ENTR1: variants seen among roughly 807,000 people sequenced by gnomAD.
The protein encoded by ENTR1 is endosome associated trafficking regulator 1.
ENTR1 carries 47 observed loss-of-function variants against 47.9 expected under a neutral mutation model. The observed-to-expected ratio is 0.98, with a 90% confidence interval of 0.78 to 1.25. ENTR1 has a LOEUF of 1.25. Among genes scored for constraint, ENTR1 ranks in the 50% most tolerant of loss-of-function variants. The pLI, the probability that ENTR1 is intolerant of heterozygous loss-of-function variation, is 0.00. For missense variants in ENTR1, 668 were observed against 570.5 expected (o/e 1.17, Z -1.74); for synonymous variants, 290 against 245.8 (o/e 1.18, Z -1.68).
rs1265541437 is a variant in ENTR1, at chr9:136,410,576, G to A, written c.-179C>T. 10 of 1,187,586 alleles carry A rather than the reference G, an allele frequency of 8.4e-6. No individual in the cohort carries two copies. The highest frequency in any genetic ancestry group is 4.2e-5 in the Admixed American group (1 of 23,784). The allele number at this position is 1,187,586 out of a possible 1,614,324, so 73.6% of individuals were successfully genotyped here. Reference sequence around the variant, plus strand: ...GCTGCTTCCGCTCCGAGCACCGAAAGCGCGTGCCTGAACGCCTTGGGCCGT... The same window carrying A: ...GCTGCTTCCGCTCCGAGCACCGAAAACGCGTGCCTGAACGCCTTGGGCCGT... On this transcript the variant is annotated 5_prime_UTR_variant, in exon 1 of 10. Coordinates refer to ENST00000357365, the MANE Select transcript of ENTR1 (RefSeq NM_001039707.2).
Position 136,410,257 on chromosome 9 carries a change from A to G in ENTR1, c.71-18T>C, listed in dbSNP as rs1306206237. 6.4e-7 allele frequency: 1 copy of G among 1,562,000 alleles called. No homozygotes were observed. ...CGCTGGAGCTGGAAGCAACGACAAC[A>G]GCGACTTTACTGCGTGCCGGGGCGG... On this transcript the variant is annotated intron_variant, in intron 1 of 9. Coordinates refer to ENST00000357365, the MANE Select transcript of ENTR1 (RefSeq NM_001039707.2).
At chr9:136,408,014 T>G (rs1834866623) in intron 3 of ENTR1, 76 bp from the exon 4 acceptor site, 1 of 931,112 alleles carries the variant, frequency 1.1e-6, no homozygotes, top group Non-Finnish European at 1.7e-6. Context: ...TCACCTGTCT[T>G]TCCAGAGCAT....
In ENTR1 at chr9:136,402,781, G is replaced by A. The variant is rs1274740513; in HGVS notation, c.*7C>T. The A allele has an allele frequency of 1.2e-6, 2 of 1,602,376 alleles. No homozygotes were observed. Among genetic ancestry groups the A allele is most frequent in the African/African-American group, 1.3e-5 (1 of 74,806 alleles). ...CGGAGCTTCATGCTGAGAACACCCAGGGGTCCTCAAGAGTCTTCCTCCTCG... is the reference window on the plus strand; with the variant it reads ...CGGAGCTTCATGCTGAGAACACCCAAGGGTCCTCAAGAGTCTTCCTCCTCG... On this transcript the variant is annotated 3_prime_UTR_variant, in exon 10 of 10. Transcript: ENST00000357365.
Position 136,402,838 on chromosome 9 carries a change from T to G in ENTR1, c.1258A>C (p.Lys420Gln). ...ETLNLVAEIL[K>Q]SIDRISEVKD... ...ACTTCAGAAATTCTGTCTATAGATT[T>G]AAGGATTTCGGCAACAAGATTCAGT... The change falls in exon 10 of 10, where the codon AAA becomes CAA. Residue 420 changes from lysine (K) to glutamine (Q), a missense_variant. Lys to Gln is a moderately conservative substitution (Grantham distance 53). Transcript: ENST00000357365. 1.2e-6 allele frequency: 2 copies of G among 1,612,972 alleles called. No homozygotes were observed. Among genetic ancestry groups the G allele is most frequent in the Non-Finnish European group, 1.7e-6 (2 of 1,179,836 alleles).
In ENTR1 at chr9:136,410,359, C is replaced by A. The variant is rs1410376620; in HGVS notation, c.39G>T (p.Leu13=). The change falls in exon 1 of 10, where the codon CTG becomes CTT. Residue 13 remains leucine (L), a synonymous_variant. Transcript: ENST00000357365. ...GYQRRPGATP[L]SRARSLAIPD... ...GAATGGCGAGGCTCCGGGCTCGGGACAGCGGGGTGGCGCCCGGGCGGCGCT... is the reference window on the plus strand; with the variant it reads ...GAATGGCGAGGCTCCGGGCTCGGGAAAGCGGGGTGGCGCCCGGGCGGCGCT... 5.3e-6 allele frequency: 8 copies of A among 1,499,280 alleles called. No homozygotes were observed. The highest frequency in any genetic ancestry group is 7.1e-6 in the Non-Finnish European group (8 of 1,129,128). The allele number at this position is 1,499,280 out of a possible 1,614,324, so 92.9% of individuals were successfully genotyped here.
chr9:136,404,919 G>A (rs1033814513), intron 7 of ENTR1, 172 bp downstream of exon 7: 1 of 675,906 alleles, frequency 1.5e-6, no homozygotes, highest in Non-Finnish European at 2.5e-6. Context: ...TGCCCTCGTG[G>A]GCCAGCTATC....
Position 136,407,200 on chromosome 9 carries a change from T to C in ENTR1, c.764A>G (p.His255Arg), listed in dbSNP as rs750878582. Residue 255 changes from histidine (H) to arginine (R), a missense_variant, in exon 5 of 10, where the codon CAT becomes CGT. Physicochemically the swap from His to Arg is conservative, Grantham distance 29. Transcript: ENST00000357365. Reference protein sequence around the residue: ...AGSPSADFAVHGESLGDRHLR... With the variant: ...AGSPSADFAVRGESLGDRHLR... ...GTGCCTGTCTCCCAGAGACTCTCCA[T>C]GAACCGCAAAGTCTGCGCTAGGACT... is the stretch of plus-strand genomic sequence containing the variant. The C allele has an allele frequency of 1.6e-5, 26 of 1,612,494 alleles. No homozygotes were observed. The African/African-American group carries it at 3.3e-4, about 21-fold the overall frequency.
chr9:136,403,477 G>C (rs1267901482), intron 9 of ENTR1, among the ~76,000 whole-genome samples: 1 of 145,718 alleles, frequency 6.9e-6, no homozygotes, highest in African/African-American at 2.6e-5. Context: ...GGAAGAAAGG[G>C]ACAGGGTTCC....
rs1320447011 is a variant in ENTR1 at position 136,410,073 on chromosome 9, G to GCGCCCT, written c.220+11_220+16dup. ...GGAACTGGAAGCGTCCCCGGGGCCG[G>GCGCCCT]CGCCCTCGTCTCTCACCTGTGTCTC... On this transcript the variant is annotated intron_variant, in intron 2 of 9. Transcript: ENST00000357365. 6.2e-7 allele frequency: 1 copy of GCGCCCT among 1,612,352 alleles called. No homozygotes were observed. Among genetic ancestry groups the GCGCCCT allele is most frequent in the Non-Finnish European group, 8.5e-7 (1 of 1,179,850 alleles).
At chr9:136,407,961 T>C (rs559120409) in intron 3 of ENTR1, 23 bp from the exon 4 acceptor site, 20 of 1,461,840 alleles carry the variant, frequency 1.4e-5, no homozygotes, top group East Asian at 2.3e-5. Context: ...ACATCACAAA[T>C]GCATAAAGTC....
At chr9:136,403,369 C>CA (rs1554785364) in intron 9 of ENTR1, among the ~76,000 whole-genome samples, 4 of 38,084 alleles carry the variant, frequency 1.1e-4, no homozygotes, top group African/African-American at 4.5e-4. Flanking sequence ...TGGGGTTTGC[C>CA]GGGGGAGAAA....
rs1047321157 is a variant in ENTR1, at chr9:136,406,817, G to C, written c.819+328C>G. ...TTATTCAGAGCTTATAACCTTTTAG[G>C]TGATTATAATTTTTTAAAAATTTTC... On this transcript the variant is annotated intron_variant, in intron 5 of 9. Transcript: ENST00000357365. The C allele has an allele frequency of 2.3e-5, 5 of 220,484 alleles. No individual in the cohort carries two copies. In the South Asian group the frequency reaches 5.5e-4, roughly 24 times the overall value. The allele number at this position is 220,484 out of a possible 1,614,324, so 13.7% of individuals were successfully genotyped here.
At chr9:136,403,678 G>A (rs952825424) in intron 9 of ENTR1, among the ~76,000 whole-genome samples, 1 of 152,112 alleles carries the variant, frequency 6.6e-6, no homozygotes, top group Non-Finnish European at 1.5e-5. Context: ...CATGGTGGCT[G>A]GCGTGTCCCC....
chr9:136,406,460 C>T (rs1023522638), intron 5 of ENTR1, among the ~76,000 whole-genome samples: 1 of 151,676 alleles, frequency 6.6e-6, no homozygotes, highest in Non-Finnish European at 1.5e-5. Context: ...CAGAGTGAGA[C>T]ACTGTCTCAG....
intron 2 of ENTR1, among the ~76,000 whole-genome samples, chr9:136,409,343 G>C (rs964552243): frequency 2.6e-5 from 4 of 152,126 alleles, no homozygotes; most frequent in Non-Finnish European, 5.9e-5. Context: ...ACCACGCCCG[G>C]CTAATTTTTT....
intron 1 of ENTR1, 41 bp from the exon 2 acceptor site, chr9:136,410,280 C>A (rs1450686909): frequency 5.2e-6 from 8 of 1,552,042 alleles, no homozygotes; most frequent in Non-Finnish European, 7.0e-6. Flanking sequence ...CGTGCCGGGG[C>A]GGCCGCCGCC....
chr9:136,403,737 G>A (rs1178649871), intron 9 of ENTR1, among the ~76,000 whole-genome samples: 2 of 152,058 alleles, frequency 1.3e-5, no homozygotes, highest in African/African-American at 4.8e-5. Flanking sequence ...TTTTCAGCAG[G>A]AGGGAAACCC....
At chr9:136,402,928 A>G (rs1229708070) in intron 9 of ENTR1, 41 bp from the exon 10 acceptor site, 17 of 1,455,820 alleles carry the variant, frequency 1.2e-5, no homozygotes, top group Non-Finnish European at 1.6e-5. Context: ...GGCAGCAGCT[A>G]CTCAGCAGCA....
intron 5 of ENTR1, among the ~76,000 whole-genome samples, chr9:136,406,715 G>A (rs1834782554): frequency 7.1e-6 from 1 of 140,534 alleles, no homozygotes; most frequent in African/African-American, 2.6e-5. Flanking sequence ...GACCTCAGGT[G>A]ATCCACCCAC....
Sources: allele counts gnomAD v4.1 joint callset (sites outside exome capture counted in the v4.1 genomes callset), GRCh38; gene constraint gnomAD v4.1.1; transcripts MANE v1.5; gene names NCBI Gene and HGNC (gene_info 2026-07-23, HGNC 2026-07-21).